The following ASIC2 variants were observed in gnomAD, a reference collection of about 807,000 sequenced individuals.
ASIC2 encodes acid-sensing ion channel 2.
A neutral mutation model predicts 57.3 loss-of-function variants in ASIC2; 25 were observed. That is an observed-to-expected ratio of 0.44 (90% confidence interval 0.32 to 0.61). The LOEUF is 0.61. Among genes scored for constraint, ASIC2 ranks in the 20% least tolerant of loss-of-function variants. The pLI is 0.06. For missense variants in ASIC2, 641 were observed against 738.1 expected, an observed-to-expected ratio of 0.87 and a Z score of 1.52; for synonymous variants, 319 against 307.5, an observed-to-expected ratio of 1.04 and a Z score of -0.39.
chr17:33,896,333 C>T (rs959291224), intron 1 of ASIC2, among the ~76,000 whole-genome samples: 10 of 152,222 alleles, frequency 6.6e-5, no homozygotes, highest in African/African-American at 2.4e-4. Context: ...CCTTTCTCAT[C>T]GCCGGCTTTA....
At chr17:33,961,425 G>A (rs1904916866) in intron 1 of ASIC2, among the ~76,000 whole-genome samples, 2 of 152,186 alleles carry the variant, frequency 1.3e-5, no homozygotes, top group African/African-American at 4.8e-5. Flanking sequence ...ATAGAGCAGA[G>A]AGCTTAGCCC....
chr17:33,201,957 A>G (rs1411229344), intron 1 of ASIC2, among the ~76,000 whole-genome samples: 1 of 146,998 alleles, frequency 6.8e-6, no homozygotes. Context: ...GCTGGAGCCC[A>G]GGAGGTGGGG....
At chr17:33,728,784 T>C (rs769540187) in intron 1 of ASIC2, among the ~76,000 whole-genome samples, 3 of 152,060 alleles carry the variant, frequency 2.0e-5, no homozygotes, top group Non-Finnish European at 2.9e-5. Flanking sequence ...GAGGAAGAGT[T>C]ATCCATGAGC....
Position 33,298,813 on chromosome 17 carries a change from AAATCATGAGTGAACTCCCATTC to A in ASIC2, c.556-186768_556-186747del, listed in dbSNP as rs1469100421. ...TTCTAACTGGTGTGAGATGGTATCC[AAATCATGAGTGAACTCCCATTC>A]ACAATTGCTTCAAAGCGAATAAAAT... is the stretch of plus-strand genomic sequence containing the variant. On this transcript the variant is annotated intron_variant, in intron 1 of 9. Transcript: ENST00000359872. Among the ~76,000 whole-genome samples the A allele has an allele frequency of 2.6e-5, 4 of 152,218 alleles. No homozygotes were observed. The East Asian group carries it at 7.7e-4, about 29-fold the overall frequency.
At chr17:33,242,146 G>A (rs1329981379) in intron 1 of ASIC2, among the ~76,000 whole-genome samples, 1 of 151,866 alleles carries the variant, frequency 6.6e-6, no homozygotes, top group East Asian at 1.9e-4. Context: ...GTGAAACCCC[G>A]TCTCTACTAA....
chr17:33,133,194 G>A (rs2092354162), intron 1 of ASIC2, among the ~76,000 whole-genome samples: 1 of 152,226 alleles, frequency 6.6e-6, no homozygotes, highest in Admixed American at 6.5e-5. Context: ...AGGTTTGATG[G>A]AGAAGGAGCA....
chr17:34,080,450 G>C (rs1909836002), intron 1 of ASIC2, among the ~76,000 whole-genome samples: 1 of 152,210 alleles, frequency 6.6e-6, no homozygotes, highest in African/African-American at 2.4e-5. Flanking sequence ...GAGCTGGTGA[G>C]CTGGATCCAG....
chr17:33,163,418 C>G (rs1905217007), intron 1 of ASIC2, among the ~76,000 whole-genome samples: 1 of 151,944 alleles, frequency 6.6e-6, no homozygotes, highest in Non-Finnish European at 1.5e-5. Flanking sequence ...CACTCTGAGA[C>G]CCTTCTATGC....
chr17:33,951,766 T>C (rs1904580564), intron 1 of ASIC2, among the ~76,000 whole-genome samples: 1 of 150,586 alleles, frequency 6.6e-6, no homozygotes, highest in African/African-American at 2.4e-5. Flanking sequence ...TATTTTTTTT[T>C]TTTTTTTAGT....
At chr17:33,499,223 G>A in intron 1 of ASIC2, among the ~76,000 whole-genome samples, 1 of 152,230 alleles carries the variant, frequency 6.6e-6, no homozygotes, top group East Asian at 1.9e-4. Flanking sequence ...GCTCCAGGCT[G>A]AAGCACAGGA....
chr17:33,399,803 A>T (rs1290094892), intron 1 of ASIC2, among the ~76,000 whole-genome samples: 2 of 152,112 alleles, frequency 1.3e-5, no homozygotes, highest in Non-Finnish European at 2.9e-5. Flanking sequence ...GTGTGTGTGC[A>T]CCATGGTAGT....
chr17:34,025,807 G>A (rs1420804454), intron 1 of ASIC2, among the ~76,000 whole-genome samples: 1 of 152,190 alleles, frequency 6.6e-6, no homozygotes, highest in Non-Finnish European at 1.5e-5. Flanking sequence ...CATGCATCAT[G>A]CATGTCAATA....
At chr17:33,078,042 GC>G (rs34514153) in intron 3 of ASIC2, among the ~76,000 whole-genome samples, 3,717 of 152,116 alleles carry the variant, frequency 0.024, 163 homozygotes, top group African/African-American at 0.086. Flanking sequence ...ACAGTGAACT[GC>G]CCATGAATCA....
intron 3 of ASIC2, among the ~76,000 whole-genome samples, chr17:33,069,701 T>G (rs1487157121): frequency 6.6e-6 from 1 of 152,200 alleles, no homozygotes; most frequent in East Asian, 1.9e-4. Context: ...TATGTTTCCA[T>G]CCTTTAAAAA....
chr17:33,776,110 G>A, intron 1 of ASIC2, among the ~76,000 whole-genome samples: 1 of 137,708 alleles, frequency 7.3e-6, no homozygotes, highest in South Asian at 2.4e-4. Context: ...TCCAGCTTAT[G>A]TGACACAGCA....
At chr17:33,932,731 AAAAAAAAAAAAT>A (rs1915963665) in intron 1 of ASIC2, 1 of 103,744 alleles carries the variant, frequency 9.6e-6, no homozygotes, top group South Asian at 3.2e-4. Context: ...AAAAAAAAAA[AAAAAAAAAAAAT>A]ATATATATAT....
intron 1 of ASIC2, among the ~76,000 whole-genome samples, chr17:33,670,179 T>C (rs776697906): frequency 6.6e-6 from 1 of 152,108 alleles, no homozygotes; most frequent in Non-Finnish European, 1.5e-5. Context: ...CCAGCAGAGA[T>C]TGAAAACCAT....
At chr17:33,343,654 T>C (rs1907825144) in intron 1 of ASIC2, among the ~76,000 whole-genome samples, 2 of 152,222 alleles carry the variant, frequency 1.3e-5, no homozygotes, top group Admixed American at 6.5e-5. Flanking sequence ...CTTTCGTACA[T>C]GAGAGACTTT....
chr17:33,225,946 T>TCA (rs1167144464), intron 1 of ASIC2, among the ~76,000 whole-genome samples: 1 of 152,224 alleles, frequency 6.6e-6, no homozygotes, highest in Non-Finnish European at 1.5e-5. Flanking sequence ...TTTTTTTCAT[T>TCA]CATTTATCAA....
Sources: allele counts gnomAD v4.1 joint callset (sites outside exome capture counted in the v4.1 genomes callset), GRCh38; gene constraint gnomAD v4.1.1; transcripts MANE v1.5; gene names NCBI Gene and HGNC (gene_info 2026-07-23, HGNC 2026-07-21).